Variants in LARGE1 observed in about 807,000 individuals in gnomAD.
The protein encoded by LARGE1 is LARGE xylosyl- and glucuronyltransferase 1.
In LARGE1, 43 loss-of-function variants were observed where a neutral mutation model predicts 87.6. The ratio of observed to expected loss-of-function variants is 0.49; its 90% CI spans 0.38 to 0.63. LARGE1 has a LOEUF of 0.63. LARGE1 is among the 30% of genes least tolerant of loss of function. The pLI is 0.00. For synonymous variants in LARGE1, 434 were observed against 394.6 expected, an observed-to-expected ratio of 1.10 and a Z score of -1.18; for missense variants, 802 against 1,000.2, an observed-to-expected ratio of 0.80 and a Z score of 2.67.
chr22:33,549,543 G>T (rs982834452), intron 6 of LARGE1, among the ~76,000 whole-genome samples: 6 of 152,286 alleles, frequency 3.9e-5, no homozygotes, highest in Non-Finnish European at 5.9e-5. Context: ...CCAGGGGAAT[G>T]AATGAATTTA....
rs1455167568 is a variant in LARGE1 at position 33,273,389 on chromosome 22, A to T, written c.*1038T>A. On this transcript the variant is annotated 3_prime_UTR_variant, in exon 15 of 15. Transcript: ENST00000397394. ...TCACTTTCTTCCTGTAGGTCTCCAG[A>T]TGGATACGTGAATCTTCAGAACTGG... The T allele has an allele frequency of 5.0e-6, 2 of 398,754 alleles. No individual in the cohort carries two copies. The highest frequency in any genetic ancestry group is 2.1e-5 in the African/African-American group (1 of 48,620). The allele number at this position is 398,754 out of a possible 1,614,324, so 24.7% of individuals were successfully genotyped here. A position where few individuals can be genotyped will look rare whatever the true frequency, so the allele number is the denominator to read the frequency against.
At chr22:33,674,685 A>G (rs2081512656) in intron 2 of LARGE1, among the ~76,000 whole-genome samples, 1 of 152,072 alleles carries the variant, frequency 6.6e-6, no homozygotes, top group African/African-American at 2.4e-5. Context: ...ATCTCTGTCT[A>G]CACACTCCCA....
chr22:33,230,640 G>T (rs1220453206), intron 11 of LARGE1, among the ~76,000 whole-genome samples: 1 of 152,234 alleles, frequency 6.6e-6, no homozygotes, highest in Non-Finnish European at 1.5e-5. Flanking sequence ...CTCAGAGATA[G>T]GTGGGGCTCA....
rs371928024 is a variant in LARGE1 at position 33,810,816 on chromosome 22, C to T, written c.-82-49258G>A. Reference sequence around the variant, plus strand: ...TTGGATCACTGCAACTTCCGCCTCCCGGGTTCAAGCAATTTCCCTGCCTCA... The same window carrying T: ...TTGGATCACTGCAACTTCCGCCTCCTGGGTTCAAGCAATTTCCCTGCCTCA... On this transcript the variant is annotated intron_variant, in intron 1 of 14. Transcript: ENST00000397394. Among the ~76,000 whole-genome samples the T allele has an allele frequency of 3.3e-5, 5 of 152,018 alleles. No individual in the cohort carries two copies. The East Asian group carries it at 5.8e-4, about 18-fold the overall frequency.
At chr22:33,523,307 G>C (rs1171886646) in intron 6 of LARGE1, among the ~76,000 whole-genome samples, 1 of 151,746 alleles carries the variant, frequency 6.6e-6, no homozygotes, top group Non-Finnish European at 1.5e-5. Context: ...ACCCTGCCCA[G>C]CCCTCACTAT....
At chr22:33,839,069 T>C (rs2063193258) in intron 1 of LARGE1, among the ~76,000 whole-genome samples, 1 of 152,218 alleles carries the variant, frequency 6.6e-6, no homozygotes, top group Non-Finnish European at 1.5e-5. Context: ...TTTGCATCGC[T>C]AGAAAGAAAT....
At chr22:33,140,952 C>G in the LARGE1 span, among the ~76,000 whole-genome samples, 18 of 152,098 alleles carry the variant, frequency 1.2e-4, no homozygotes, top group African/African-American at 4.3e-4. Context: ...TATTTCTTTA[C>G]TTACTACATG....
chr22:33,775,123 CT>C (rs966106244), intron 1 of LARGE1, among the ~76,000 whole-genome samples: 1 of 152,218 alleles, frequency 6.6e-6, no homozygotes, highest in African/African-American at 2.4e-5. Context: ...ATTCACTCAA[CT>C]TTTACAATCC....
chr22:33,302,957 C>T (rs551836696), intron 12 of LARGE1, among the ~76,000 whole-genome samples: 23 of 152,214 alleles, frequency 1.5e-4, no homozygotes, highest in Admixed American at 1.1e-3. Context: ...TCTCATGGTA[C>T]CTGGATCTAG....
chr22:33,269,587 C>A (rs1928134915), downstream of LARGE1, among the ~76,000 whole-genome samples: 1 of 152,320 alleles, frequency 6.6e-6, no homozygotes, highest in Admixed American at 6.5e-5. Context: ...TCTCAGTGAG[C>A]CCTGTCAATC....
At chr22:33,378,467 T>C (rs2413182) in intron 9 of LARGE1, among the ~76,000 whole-genome samples, 50,379 of 152,116 alleles carry the variant, frequency 0.33, 9,547 homozygotes, top group African/African-American at 0.52. Flanking sequence ...GTCTTTCTTC[T>C]TGTGGGCCTA....
At chr22:33,283,401 G>C (rs541461533) in intron 12 of LARGE1, 53 bp from the exon 13 acceptor site, 605 of 1,606,370 alleles carry the variant, frequency 3.8e-4, no homozygotes, top group Non-Finnish European at 4.4e-4. Context: ...CCAGGCCAAG[G>C]TCTTTCCCCC....
intron 1 of LARGE1, among the ~76,000 whole-genome samples, chr22:33,883,912 GAC>G (rs768748758): frequency 3.3e-5 from 5 of 152,182 alleles, no homozygotes; most frequent in Non-Finnish European, 7.3e-5. Context: ...CACCACAGGA[GAC>G]ACAGTATGTT....
intron 11 of LARGE1, among the ~76,000 whole-genome samples, chr22:33,167,034 A>C (rs1195162916): frequency 6.6e-6 from 1 of 152,214 alleles, no homozygotes; most frequent in African/African-American, 2.4e-5. Context: ...CCAATTTATC[A>C]ATGTGAATGT....
At chr22:33,512,568 C>T (rs1353422709) in intron 6 of LARGE1, among the ~76,000 whole-genome samples, 3 of 151,936 alleles carry the variant, frequency 2.0e-5, no homozygotes, top group East Asian at 1.9e-4. Flanking sequence ...TTTGGGAGGC[C>T]GAGGCAGGAA....
intron 2 of LARGE1, among the ~76,000 whole-genome samples, chr22:33,676,785 C>T (rs146051376): frequency 1.3e-5 from 2 of 152,020 alleles, no homozygotes; most frequent in Non-Finnish European, 2.9e-5. Flanking sequence ...AAAGTGGCCA[C>T]CAGAGATAGA....
At chr22:33,325,138 T>C (rs16992148) in intron 10 of LARGE1, among the ~76,000 whole-genome samples, 7,101 of 152,292 alleles carry the variant, frequency 0.047, 287 homozygotes, top group African/African-American at 0.12. Context: ...CAATGCCTAG[T>C]TGGTCAGCCT....
intron 6 of LARGE1, among the ~76,000 whole-genome samples, chr22:33,456,160 T>G (rs906114589): frequency 6.6e-6 from 1 of 152,178 alleles, no homozygotes; most frequent in Admixed American, 6.5e-5. Flanking sequence ...GACCTGGACC[T>G]CCACTCTTGC....
intron 7 of LARGE1, among the ~76,000 whole-genome samples, chr22:33,403,620 T>G (rs1207763464): frequency 1.3e-5 from 2 of 152,164 alleles, no homozygotes; most frequent in Admixed American, 1.3e-4. Context: ...CTTTTTTTTT[T>G]GAGACGGAGT....
Sources: allele counts gnomAD v4.1 joint callset (sites outside exome capture counted in the v4.1 genomes callset), GRCh38; gene constraint gnomAD v4.1.1; transcripts MANE v1.5; gene names NCBI Gene and HGNC (gene_info 2026-07-23, HGNC 2026-07-21).